The following PTPRN variants were observed in gnomAD, a reference collection of about 807,000 sequenced individuals.
PTPRN encodes protein tyrosine phosphatase receptor type N, also known as receptor-type tyrosine-protein phosphatase-like N.
PTPRN carries 70 observed loss-of-function variants against 108.5 expected under a neutral mutation model. That is an observed-to-expected ratio of 0.65 (90% CI 0.53 to 0.79). PTPRN has a LOEUF of 0.79. Among genes scored for constraint, PTPRN ranks in the 30% least tolerant of loss-of-function variants. The pLI is 0.00. For missense variants in PTPRN, 1,136 were observed against 1,295.5 expected (o/e 0.88, Z 1.89); for synonymous variants, 496 against 524.6 (o/e 0.95, Z 0.75).
Position 219,295,065 on chromosome 2 carries a change from T to C in PTPRN, c.2585A>G (p.Gln862Arg). 2 of 1,613,626 alleles carry C rather than the reference T, an allele frequency of 1.2e-6. No homozygotes were observed. Among genetic ancestry groups the C allele is most frequent in the South Asian group, 1.1e-5 (1 of 91,020 alleles). Residue 862 changes from glutamine (Q) to arginine (R), a missense_variant, in exon 19 of 23, where the codon CAG (glutamine) becomes CGG (arginine). Gln to Arg is a conservative substitution (Grantham distance 43, BLOSUM62 1). Transcript: ENST00000295718. The part of the protein sequence containing the change: ...RSFYLKNVQT[Q>R]ETRTLTQFHF... ...GAACTGCGTGAGCGTGCGCGTCTCCTGGGTCTGCACGTTCTTCAGGTAGAA... is the reference window on the plus strand; with the variant it reads ...GAACTGCGTGAGCGTGCGCGTCTCCCGGGTCTGCACGTTCTTCAGGTAGAA...
At chr2:219,307,369 T>C in intron 3 of PTPRN, 75 bp downstream of exon 3, 1 of 1,282,986 alleles carries the variant, frequency 7.8e-7, no homozygotes. Flanking sequence ...GGAATATTCC[T>C]TGAAGAGAAA....
chr2:219,297,923 G>T lies in PTPRN; in HGVS notation c.1849C>A (p.Pro617Thr). Residue 617 changes from proline (P) to threonine (T), a missense_variant, in exon 13 of 23, where the codon CCT (proline) becomes ACT (threonine). Transcript: ENST00000295718. The surrounding 1 kb of genome is among the most constrained non-coding windows in gnomAD (Gnocchi z 6.0). ...QDKERLAALG[P>T]EGAHGDTTFE... The stretch of plus-strand genomic sequence containing the variant: ...GTAGTGTCACCATGGGCCCCCTCAG[G>T]CCCCAGGGCTGCCAGGCGCTCCTTG... The T allele has an allele frequency of 6.2e-7, 1 of 1,612,546 alleles. No homozygotes were observed. Among genetic ancestry groups the T allele is most frequent in the Non-Finnish European group, 8.5e-7 (1 of 1,179,816 alleles).
At chr2:219,305,942 GA>G (rs1403356439) in intron 3 of PTPRN, among the ~76,000 whole-genome samples, 6 of 152,160 alleles carry the variant, frequency 3.9e-5, no homozygotes, top group African/African-American at 1.4e-4. Context: ...TTGAGGTTAG[GA>G]GCTCAAGACC....
chr2:219,303,662 C>T, intron 4 of PTPRN, 73 bp downstream of exon 4: 1 of 1,432,278 alleles, frequency 7.0e-7, no homozygotes, highest in Non-Finnish European at 9.8e-7. Flanking sequence ...CCTTCCCCTT[C>T]TCTCCATCAA....
rs1400928118 is a variant in PTPRN at position 219,294,956 on chromosome 2, C to T, written c.2675+19G>A. 4 of 1,535,062 alleles carry T rather than the reference C, an allele frequency of 2.6e-6. No individual in the cohort carries two copies. The highest frequency in any genetic ancestry group is 2.6e-6 in the Non-Finnish European group (3 of 1,142,456). The stretch of plus-strand genomic sequence containing the variant: ...CCCCCGCCCATGCGGTCCCTCCAGG[C>T]GGGGGCGCCCGCGCTCACCTGCGGA... On this transcript the variant is annotated intron_variant, in intron 19 of 22. Transcript: ENST00000295718.
In PTPRN at chr2:219,296,285, C is replaced by T. The variant is rs1189877442; in HGVS notation, c.2449G>A (p.Val817Ile). The change falls in exon 18 of 23, where the codon GTC becomes ATC. Residue 817 changes from valine to isoleucine, a missense_variant. Val to Ile is a conservative substitution (Grantham distance 29, BLOSUM62 3). Coordinates refer to ENST00000295718, the MANE Select transcript of PTPRN (RefSeq NM_002846.4). The surrounding 1 kb of genome is among the most constrained non-coding windows in gnomAD (Gnocchi z 6.0). ...VMLTPLVEDG[V>I]KQCDRYWPDE... ...GGCCAGTAGCGGTCACACTGCTTGA[C>T]ACCATCCTCCACCAGCGGGGTCAGC... 10 of 1,614,164 alleles carry T rather than the reference C, an allele frequency of 6.2e-6. No homozygotes were observed. Among genetic ancestry groups the T allele is most frequent in the Non-Finnish European group, 8.5e-6 (10 of 1,180,034 alleles).
Position 219,302,782 on chromosome 2 carries a change from T to A in PTPRN, c.433A>T (p.Ile145Phe). ...GPAGELLLQD[I>F]PTGSAPAAQH... ...GCAGCAGGGGCGGAGCCAGTGGGGA[T>A]GTCCTGTAAAAGCAGCTCTCCAGCA... is the stretch of plus-strand genomic sequence containing the variant. Residue 145 changes from isoleucine (I) to phenylalanine (F), a missense_variant, in exon 5 of 23, where the codon ATC (isoleucine) becomes TTC (phenylalanine). Transcript: ENST00000295718. The A allele has an allele frequency of 6.2e-7, 1 of 1,613,680 alleles. No individual in the cohort carries two copies. Among genetic ancestry groups the A allele is most frequent in the Non-Finnish European group, 8.5e-7 (1 of 1,179,862 alleles).
intron 12 of PTPRN, 101 bp downstream of exon 12, chr2:219,298,946 G>T: frequency 2.1e-6 from 3 of 1,398,412 alleles, no homozygotes; most frequent in Non-Finnish European, 3.0e-6. Flanking sequence ...CGTGCCTACG[G>T]ACACGTTTCG....
Position 219,296,539 on chromosome 2 carries a change from A to G in PTPRN, c.2311-23T>C. ...AATCTGGAGGCAGGGAAGATACACC[A>G]TGAGCCAGTGTGGGAAATGCCACTA... is the stretch of plus-strand genomic sequence containing the variant. On this transcript the variant is annotated intron_variant, in intron 16 of 22. Coordinates refer to ENST00000295718, the MANE Select transcript of PTPRN (RefSeq NM_002846.4). The surrounding 1 kb of genome is among the most constrained non-coding windows in gnomAD (Gnocchi z 6.0). 6.2e-7 allele frequency: 1 copy of G among 1,613,094 alleles called. No homozygotes were observed. Among genetic ancestry groups the G allele is most frequent in the Non-Finnish European group, 8.5e-7 (1 of 1,179,360 alleles).
At chr2:219,307,318 G>A (rs1285385446) in intron 3 of PTPRN, 126 bp downstream of exon 3, 14 of 773,284 alleles carry the variant, frequency 1.8e-5, no homozygotes, top group Non-Finnish European at 2.7e-5. Flanking sequence ...TCTTACTCTA[G>A]CAAGATATGG....
rs1952512091 is a variant in PTPRN at position 219,307,471 on chromosome 2, C to T, written c.253G>A (p.Gly85Ser). The T allele has an allele frequency of 6.2e-7, 1 of 1,614,128 alleles. No homozygotes were observed. Among genetic ancestry groups the T allele is most frequent in the African/African-American group, 1.3e-5 (1 of 75,038 alleles). Residue 85 changes from glycine (G) to serine (S), a missense_variant, in exon 3 of 23, where the codon GGT becomes AGT. Transcript: ENST00000295718. ...TGGGACATGAGTTGTCGGAGCACAC[C>T]TTGTAAGCGTTGGAGAACTGGGGAG... is the stretch of plus-strand genomic sequence containing the variant. ...VTSPVLQRLQ[G>S]VLRQLMSQGL...
chr2:219,290,818 C>G lies in PTPRN; in HGVS notation c.2794+8G>C. The G allele has an allele frequency of 1.9e-6, 3 of 1,613,908 alleles. No individual in the cohort carries two copies. Among genetic ancestry groups the G allele is most frequent in the Non-Finnish European group, 2.5e-6 (3 of 1,179,790 alleles). ...GGGGGCTGCGGGCACCGTGGGGAAGCTCCCTACCTTTTGCCATGCGGTTCA... is the reference window on the plus strand; with the variant it reads ...GGGGGCTGCGGGCACCGTGGGGAAGGTCCCTACCTTTTGCCATGCGGTTCA... On this transcript the variant is annotated splice_region_variant and intron_variant, in intron 21 of 22. Transcript: ENST00000295718. This position sits in a 1 kb window ranked among gnomAD's most constrained non-coding sequence, Gnocchi z 4.2.
intron 12 of PTPRN, 22 bp downstream of exon 12, chr2:219,299,025 T>C (rs1281193666): frequency 1.9e-6 from 3 of 1,614,088 alleles, no homozygotes; most frequent in African/African-American, 1.3e-5. Context: ...GGACTTGGAC[T>C]GATTCTCCAG....
At chr2:219,301,884 G>A (rs1427189754) in intron 6 of PTPRN, among the ~76,000 whole-genome samples, 165 bp from the exon 7 acceptor site, 2 of 152,088 alleles carry the variant, frequency 1.3e-5, no homozygotes, top group Non-Finnish European at 2.9e-5. Context: ...CACACTTTGG[G>A]GGAAAGTTCT....
In PTPRN at chr2:219,309,300, C is replaced by T. The variant is rs959085942; in HGVS notation, c.33G>A (p.Gly11=). Residue 11 remains glycine (G), a synonymous_variant, in exon 1 of 23, where the codon GGG becomes GGA. Transcript: ENST00000295718. ...GGAGCAGCCGGAGACCCCCGGATCC[C>T]CCGAGACCCCCAGGCCGCCGCGGGC... The part of the protein sequence containing the change: MRRPRRPGGL[G]GSGGLRLLLC... 9 of 1,514,506 alleles carry T rather than the reference C, an allele frequency of 5.9e-6. No individual in the cohort carries two copies. The highest frequency in any genetic ancestry group is 5.7e-5 in the African/African-American group (4 of 70,576). The allele number at this position is 1,514,506 out of a possible 1,614,324, so 93.8% of individuals were successfully genotyped here.
At chr2:219,295,426 G>A (rs1032611712) in intron 18 of PTPRN, 6 of 357,056 alleles carry the variant, frequency 1.7e-5, no homozygotes, top group Non-Finnish European at 3.0e-5. Flanking sequence ...GGTGCTACAC[G>A]TGCCATAAAC....
chr2:219,304,081 C>T (rs1952424169), intron 3 of PTPRN: 1 of 328,780 alleles, frequency 3.0e-6, no homozygotes, highest in East Asian at 6.3e-5. Flanking sequence ...AGTTGCTGAA[C>T]CTCTCCAAGC....
chr2:219,290,952 G>T lies in PTPRN; in HGVS notation c.2730-62C>A, dbSNP rs1952040524. ...GCAGCAGAAAGGGGGAGGGACGGAG[G>T]AGGCGAGGAGGCCTGGAGGCCTGGG... On this transcript the variant is annotated intron_variant, in intron 20 of 22. Coordinates refer to ENST00000295718, the MANE Select transcript of PTPRN (RefSeq NM_002846.4). The surrounding 1 kb of genome is among the most constrained non-coding windows in gnomAD (Gnocchi z 4.2). 2.0e-6 allele frequency: 3 copies of T among 1,534,398 alleles called. No individual in the cohort carries two copies. Among genetic ancestry groups the T allele is most frequent in the Non-Finnish European group, 2.7e-6 (3 of 1,107,654 alleles).
chr2:219,296,045 A>AAT lies in PTPRN; in HGVS notation c.2508+179_2508+180dup. 1 of 785,660 alleles carries AAT rather than the reference A, an allele frequency of 1.3e-6. No homozygotes were observed. The highest frequency in any genetic ancestry group is 2.0e-6 in the Non-Finnish European group (1 of 495,864). The allele number at this position is 785,660 out of a possible 1,614,324, so 48.7% of individuals were successfully genotyped here. A position where few individuals can be genotyped will look rare whatever the true frequency, so the allele number is the denominator to read the frequency against. ...CAGGACACACACATGTATATATGTG[A>AAT]ATATATGGGTATGCATATATGTGTT... On this transcript the variant is annotated intron_variant, in intron 18 of 22. Transcript: ENST00000295718. This position sits in a 1 kb window ranked among gnomAD's most constrained non-coding sequence, Gnocchi z 6.0.
Sources: gnomAD v4.1 joint callset for allele counts (sites outside exome capture counted in the v4.1 genomes callset) on GRCh38, gnomAD v4.1.1 for gene constraint, Gnocchi (gnomAD v3.1) non-coding constraint, MANE v1.5 for transcripts, NCBI Gene and HGNC (gene_info 2026-07-23, HGNC 2026-07-21) for gene names.